The following OPTN variants were observed in gnomAD, a reference collection of about 807,000 sequenced individuals.
OPTN encodes the protein E3-14.7K-interacting protein.
In OPTN, 54 loss-of-function variants were observed where a neutral mutation model predicts 70.4. The ratio of observed to expected loss-of-function variants is 0.77; its 90% CI spans 0.62 to 0.96. The LOEUF is 0.96. OPTN is among the 40% of genes least tolerant of loss of function. The pLI is 0.00. For missense variants in OPTN, 624 were observed against 673.2 expected (o/e 0.93, Z 0.81); for synonymous variants, 256 against 248.5 (o/e 1.03, Z -0.28).
At chr10:13,104,362 C>G (rs1276648365) in intron 1 of OPTN, among the ~76,000 whole-genome samples, 5 of 143,212 alleles carry the variant, frequency 3.5e-5, no homozygotes, top group African/African-American at 1.3e-4. Flanking sequence ...CAGGTTCAAG[C>G]GATTCTCATG....
At position 13,138,238 on chromosome 10, in the gene OPTN, G is replaced by C. The variant is rs897759563; in HGVS notation, c.*1372G>C. 4.4e-5 allele frequency: 8 copies of C among 183,380 alleles called. No homozygotes were observed. The East Asian group carries it at 7.1e-4, about 16-fold the overall frequency. 11.4% of individuals were successfully genotyped at this position (183,380 alleles called of 1,614,324 possible). On this transcript the variant is annotated 3_prime_UTR_variant, in exon 15 of 15. Coordinates refer to ENST00000378747, the MANE Select transcript of OPTN (RefSeq NM_001008212.2). ...AAATAACACTGGACCAGCTGTAAAAGTAAACAGTGTGTTTATGCATTGAGA... is the reference window on the plus strand; with the variant it reads ...AAATAACACTGGACCAGCTGTAAAACTAAACAGTGTGTTTATGCATTGAGA...
intron 1 of OPTN, among the ~76,000 whole-genome samples, chr10:13,106,764 T>C (rs1832874181): frequency 1.3e-5 from 2 of 152,248 alleles, no homozygotes; most frequent in South Asian, 4.1e-4. Context: ...TTTATTTTAA[T>C]TGATGGCTAT....
In OPTN at chr10:13,125,513, T is replaced by A; in HGVS notation, c.1094T>A (p.Val365Glu). ...ACTAACAAAAAGTTAGAGCTACAAG[T>A]GGAAAGCATGCTATCAGAAATCAAA... is the stretch of plus-strand genomic sequence containing the variant. ...VYTNKKLELQ[V>E]ESMLSEIKME... Residue 365 changes from valine (V) to glutamate (E), a missense_variant, in exon 10 of 15, where the codon GTG becomes GAG. Transcript: ENST00000378747. 1 of 1,614,084 alleles carries A rather than the reference T, an allele frequency of 6.2e-7. No homozygotes were observed. Among genetic ancestry groups the A allele is most frequent in the Non-Finnish European group, 8.5e-7 (1 of 1,180,002 alleles).
intron 1 of OPTN, chr10:13,104,797 G>A (rs1411632049): frequency 1.9e-6 from 1 of 513,242 alleles, no homozygotes; most frequent in African/African-American, 2.0e-5. Flanking sequence ...AGAACATGAT[G>A]CTATTCGAGA....
At chr10:13,110,836 C>G (rs959140770) in intron 4 of OPTN, among the ~76,000 whole-genome samples, 2 of 152,198 alleles carry the variant, frequency 1.3e-5, no homozygotes, top group Admixed American at 6.5e-5. Context: ...GTTTAAAAAA[C>G]CCATTACTCA....
rs1391559413 is a variant in OPTN at position 13,129,618 on chromosome 10, G to A, written c.1401+1715G>A. On this transcript the variant is annotated intron_variant, in intron 12 of 14. Transcript: ENST00000378747. ...TGCCCAGCTGGGATTACGGGCGTGA[G>A]CCACCGTGCCTGGCCAGCATCCATT... 2.6e-5 allele frequency among the ~76,000 whole-genome samples: 4 copies of A among 152,274 alleles called. No individual in the cohort carries two copies. In the East Asian group the frequency reaches 7.7e-4, roughly 29 times the overall value.
intron 1 of OPTN, among the ~76,000 whole-genome samples, chr10:13,100,863 A>G (rs367585106): frequency 6.6e-5 from 10 of 152,364 alleles, no homozygotes; most frequent in African/African-American, 2.4e-4. Context: ...GGAAGTAAAC[A>G]TCGCTCAAAG....
chr10:13,109,635 G>A, intron 3 of OPTN: 1 of 233,450 alleles, frequency 4.3e-6, no homozygotes, highest in Non-Finnish European at 8.4e-6. Context: ...AGACCAGCCT[G>A]GGCAAGATGG....
chr10:13,131,932 T>C (rs1833600531), intron 12 of OPTN, 135 bp from the exon 13 acceptor site: 2 of 831,208 alleles, frequency 2.4e-6, no homozygotes, highest in Non-Finnish European at 3.9e-6. Context: ...CATTATACTG[T>C]TTTCTAGCAG....
At chr10:13,117,724 G>C (rs1436087714) in intron 6 of OPTN, among the ~76,000 whole-genome samples, 1 of 152,176 alleles carries the variant, frequency 6.6e-6, no homozygotes, top group South Asian at 2.1e-4. Flanking sequence ...TGGGATTACA[G>C]GCGTGAGCCA....
chr10:13,112,256 T>C (rs1056730632), intron 4 of OPTN, among the ~76,000 whole-genome samples, 197 bp from the exon 5 acceptor site: 1 of 151,092 alleles, frequency 6.6e-6, no homozygotes, highest in African/African-American at 2.4e-5. Flanking sequence ...TACAGGTGTG[T>C]GCCACTACAC....
At chr10:13,106,728 C>T (rs550410167) in intron 1 of OPTN, among the ~76,000 whole-genome samples, 7 of 152,302 alleles carry the variant, frequency 4.6e-5, no homozygotes, top group East Asian at 1.9e-4. Flanking sequence ...TGGCCAAGGA[C>T]GCAACACCAC....
intron 1 of OPTN, among the ~76,000 whole-genome samples, chr10:13,102,174 C>T (rs544786617): frequency 1.3e-5 from 2 of 152,266 alleles, no homozygotes; most frequent in East Asian, 3.9e-4. Context: ...ACATTTCGGG[C>T]AGAGGGCAGA....
intron 5 of OPTN, 95 bp downstream of exon 5, chr10:13,112,730 A>C: frequency 8.1e-7 from 1 of 1,233,000 alleles, no homozygotes; most frequent in Non-Finnish European, 1.2e-6. Context: ...ACACAAGCCA[A>C]GGATTGAGGA....
chr10:13,103,114 C>T (rs79820640), intron 1 of OPTN, among the ~76,000 whole-genome samples: 222 of 152,200 alleles, frequency 1.5e-3, no homozygotes, highest in Non-Finnish European at 3.0e-3. Flanking sequence ...TACTAAAATA[C>T]GAAGTCACAA....
At chr10:13,124,722 G>A (rs1190496085) in intron 9 of OPTN, among the ~76,000 whole-genome samples, 4 of 152,296 alleles carry the variant, frequency 2.6e-5, no homozygotes, top group Admixed American at 2.0e-4. Flanking sequence ...TTATGGTAAC[G>A]TGATACAACA....
At chr10:13,117,455 T>TG in intron 6 of OPTN, among the ~76,000 whole-genome samples, 1 of 84,026 alleles carries the variant, frequency 1.2e-5, no homozygotes, top group African/African-American at 4.0e-5. Flanking sequence ...TTTTTTTTTT[T>TG]TTTTTTTTGA....
intron 1 of OPTN, among the ~76,000 whole-genome samples, chr10:13,102,447 G>C (rs1827522895): frequency 6.6e-6 from 1 of 152,232 alleles, no homozygotes; most frequent in Non-Finnish European, 1.5e-5. Context: ...AGTCATTTAG[G>C]AGGCTGTTAA....
intron 14 of OPTN, among the ~76,000 whole-genome samples, chr10:13,133,991 T>A (rs1238997554): frequency 6.6e-6 from 1 of 152,168 alleles, no homozygotes; most frequent in African/African-American, 2.4e-5. Context: ...GTATTTTTAA[T>A]AGAGATGGGG....
Sources: gnomAD v4.1 joint callset for allele counts (sites outside exome capture counted in the v4.1 genomes callset) on GRCh38, gnomAD v4.1.1 for gene constraint, MANE v1.5 for transcripts, NCBI Gene and HGNC (gene_info 2026-07-23, HGNC 2026-07-21) for gene names.